The following SMIM13 variants were observed in gnomAD, a reference collection of about 807,000 sequenced individuals.
The protein encoded by SMIM13 is small integral membrane protein 13.
SMIM13 carries 3 observed loss-of-function variants against 5.9 expected under a neutral mutation model. That is an observed-to-expected ratio of 0.51 (90% CI 0.23 to 1.31). The LOEUF (loss-of-function observed/expected upper bound fraction) is 1.31, where lower values mean the gene tolerates loss of function less well. Among genes scored for constraint, SMIM13 ranks in the 40% most tolerant of loss-of-function variants. SMIM13 has a pLI of 0.18. For missense variants in SMIM13, 85 were observed against 109.9 expected, an observed-to-expected ratio of 0.77 and a Z score of 1.01; for synonymous variants, 55 against 46.0, an observed-to-expected ratio of 1.19 and a Z score of -0.79.
intron 1 of SMIM13, among the ~76,000 whole-genome samples, chr6:11,115,404 C>G (rs917266758): frequency 2.0e-5 from 3 of 152,110 alleles, no homozygotes; most frequent in African/African-American, 7.2e-5. Flanking sequence ...TGGTTGTTGG[C>G]AGGATTCAGT....
intron 1 of SMIM13, among the ~76,000 whole-genome samples, chr6:11,116,008 CTTTTTTTTTTTTTTTT>C (rs35527082): frequency 6.4e-5 from 5 of 78,530 alleles, no homozygotes; most frequent in South Asian, 8.9e-4. Context: ...CTTCCTTCCT[CTTTTTTTTTTTTTTTT>C]TTTTTTTTTT....
intron 1 of SMIM13, among the ~76,000 whole-genome samples, chr6:11,096,581 C>T (rs890668603): frequency 6.6e-6 from 1 of 152,106 alleles, no homozygotes; most frequent in Non-Finnish European, 1.5e-5. Context: ...AAGGATCAGA[C>T]CAGACTTAAG....
At chr6:11,118,701 A>G (rs1189962831) in intron 1 of SMIM13, among the ~76,000 whole-genome samples, 1 of 152,220 alleles carries the variant, frequency 6.6e-6, no homozygotes, top group Non-Finnish European at 1.5e-5. Flanking sequence ...TCTTAGTTAC[A>G]GTGGTAGTAG....
chr6:11,099,656 A>T (rs534851710), intron 1 of SMIM13, among the ~76,000 whole-genome samples: 1 of 152,236 alleles, frequency 6.6e-6, no homozygotes. Flanking sequence ...AGAATACCCA[A>T]GCTCCTACAA....
chr6:11,095,967 C>T (rs1288273461), intron 1 of SMIM13, among the ~76,000 whole-genome samples: 3 of 152,214 alleles, frequency 2.0e-5, no homozygotes, highest in Non-Finnish European at 4.4e-5. Flanking sequence ...CCCTACCATA[C>T]CTTCACTAGG....
rs1758512208 is a variant in SMIM13, at chr6:11,135,904, T to G, written c.*1302T>G. The G allele has an allele frequency of 6.6e-6, 1 of 152,232 alleles. No homozygotes were observed. Among genetic ancestry groups the G allele is most frequent in the Non-Finnish European group, 1.5e-5 (1 of 68,034 alleles). The allele number at this position is 152,232 out of a possible 1,614,324, so 9.4% of individuals were successfully genotyped here. Reference sequence around the variant, plus strand: ...ACAATTGGTAGTGTCTTAGGTTAAATTAAAAATGGTAGCTTGTAAATTTAT... The same window carrying G: ...ACAATTGGTAGTGTCTTAGGTTAAAGTAAAAATGGTAGCTTGTAAATTTAT... On this transcript the variant is annotated 3_prime_UTR_variant, in exon 2 of 2. Transcript: ENST00000416247.
intron 1 of SMIM13, among the ~76,000 whole-genome samples, chr6:11,124,473 CTTCAG>C (rs1758350622): frequency 6.6e-6 from 1 of 152,144 alleles, no homozygotes; most frequent in Admixed American, 6.5e-5. Context: ...GTAGGTATCT[CTTCAG>C]TATATCGATT....
intron 1 of SMIM13, chr6:11,103,591 G>T: frequency 6.9e-7 from 1 of 1,444,418 alleles, no homozygotes; most frequent in South Asian, 1.5e-5. Context: ...AGGGCAGGAT[G>T]GCTCTGTGGA....
At chr6:11,115,695 T>G (rs1301684933) in intron 1 of SMIM13, among the ~76,000 whole-genome samples, 1 of 151,482 alleles carries the variant, frequency 6.6e-6, no homozygotes, top group Non-Finnish European at 1.5e-5. Flanking sequence ...TTCTTTTTTT[T>G]TTTTTTGAGA....
At chr6:11,107,094 C>G (rs1477350251) in intron 1 of SMIM13, among the ~76,000 whole-genome samples, 1 of 152,182 alleles carries the variant, frequency 6.6e-6, no homozygotes, top group Non-Finnish European at 1.5e-5. Context: ...AGCTCTATCC[C>G]TGACAAAGCT....
At chr6:11,129,083 G>C (rs561089725) in intron 1 of SMIM13, among the ~76,000 whole-genome samples, 6 of 151,558 alleles carry the variant, frequency 4.0e-5, no homozygotes, top group East Asian at 3.9e-4. Context: ...GGGAGCGGGG[G>C]GGGGATGATC....
intron 1 of SMIM13, among the ~76,000 whole-genome samples, chr6:11,123,348 C>T (rs1180103453): frequency 2.0e-5 from 3 of 152,222 alleles, no homozygotes; most frequent in Admixed American, 6.5e-5. Flanking sequence ...CTCTCTCAGA[C>T]ACCTCTGTAG....
chr6:11,112,180 C>T (rs777921418), intron 1 of SMIM13, among the ~76,000 whole-genome samples: 5 of 152,128 alleles, frequency 3.3e-5, no homozygotes, highest in Admixed American at 6.6e-5. Flanking sequence ...GGGCCCTCTC[C>T]TGCCCTGCTC....
rs536247111 is a variant in SMIM13, at chr6:11,128,752, C to G, written c.77-5651C>G. Among the ~76,000 whole-genome samples, 7 of 152,198 alleles carry G rather than the reference C, an allele frequency of 4.6e-5. No homozygotes were observed. In the East Asian group the frequency reaches 1.4e-3, roughly 29 times the overall value. On this transcript the variant is annotated intron_variant, in intron 1 of 1. Coordinates refer to ENST00000416247, the MANE Select transcript of SMIM13 (RefSeq NM_001135575.2). ...TATGGTTAGGACTGGTCTAGCTGCT[C>G]CCTCTGTGGGTACAGACTGAGTTCT...
chr6:11,103,530 CAG>C (rs1198507882), intron 1 of SMIM13: 1 of 1,015,828 alleles, frequency 9.8e-7, no homozygotes, highest in Non-Finnish European at 1.4e-6. Context: ...TTCCTGCTGA[CAG>C]AGGGGCTGTA....
chr6:11,131,530 A>G (rs562630945), intron 1 of SMIM13, among the ~76,000 whole-genome samples: 5 of 152,268 alleles, frequency 3.3e-5, no homozygotes, highest in African/African-American at 9.6e-5. Flanking sequence ...TAAACTTAGT[A>G]TAAAGCTACT....
Position 11,114,592 on chromosome 6 carries a change from C to CTTTTTTTTTTTT in SMIM13, c.77-19798_77-19787dup, listed in dbSNP as rs58585640. On this transcript the variant is annotated intron_variant, in intron 1 of 1. Coordinates refer to ENST00000416247, the MANE Select transcript of SMIM13 (RefSeq NM_001135575.2). ...ATTGAGATGGTCATGCACTTTTTCT[C>CTTTTTTTTTTTT]TTTTTTTTTTTTTTTTTTTTTTTTG... Among the ~76,000 whole-genome samples, 25 of 21,844 alleles carry CTTTTTTTTTTTT rather than the reference C, an allele frequency of 1.1e-3. 2 individuals are homozygous for CTTTTTTTTTTTT. Among genetic ancestry groups the CTTTTTTTTTTTT allele is most frequent in the South Asian group, 4.1e-3 (1 of 242 alleles). The allele number at this position is 21,844 out of a possible 152,430, so 14.3% of individuals were successfully genotyped here. A position where few individuals can be genotyped will look rare whatever the true frequency, so the allele number is the denominator to read the frequency against.
intron 1 of SMIM13, among the ~76,000 whole-genome samples, chr6:11,125,008 T>C (rs1758359578): frequency 6.6e-6 from 1 of 152,256 alleles, no homozygotes; most frequent in Admixed American, 6.5e-5. Flanking sequence ...CCGGGCGTGG[T>C]GGCTCACGCC....
chr6:11,094,921 T>G (rs1245852186), intron 1 of SMIM13, among the ~76,000 whole-genome samples: 1 of 152,182 alleles, frequency 6.6e-6, no homozygotes, highest in African/African-American at 2.4e-5. Flanking sequence ...ATATTAAACT[T>G]GCAGGGTCGG....
Sources: allele counts gnomAD v4.1 joint callset (sites outside exome capture counted in the v4.1 genomes callset), GRCh38; gene constraint gnomAD v4.1.1; transcripts MANE v1.5; gene names NCBI Gene and HGNC (gene_info 2026-07-23, HGNC 2026-07-21).